The following DOCK3 variants were observed in gnomAD, a reference collection of about 807,000 sequenced individuals.
DOCK3 encodes the protein dedicator of cytokinesis 3, also known as dedicator of cytokinesis protein 3.
DOCK3 carries 60 observed loss-of-function variants against 265.6 expected under a neutral mutation model. That is an observed-to-expected ratio of 0.23 (90% CI 0.18 to 0.28). The LOEUF is 0.28. Among genes scored for constraint, DOCK3 ranks in the 10% least tolerant of loss-of-function variants. The pLI is 1.00. For missense variants in DOCK3, 1,981 were observed against 2,594.3 expected, an observed-to-expected ratio of 0.76 and a Z score of 5.14; for synonymous variants, 881 against 938.0, an observed-to-expected ratio of 0.94 and a Z score of 1.11.
intron 12 of DOCK3, among the ~76,000 whole-genome samples, chr3:51,166,830 G>C (rs552923152): frequency 1.9e-4 from 29 of 152,232 alleles, no homozygotes; most frequent in African/African-American, 6.0e-4. Context: ...ATGCAATTCA[G>C]TTATATGAGT....
intron 6 of DOCK3, among the ~76,000 whole-genome samples, chr3:51,066,625 G>A (rs1456576043): frequency 1.3e-5 from 2 of 152,166 alleles, no homozygotes; most frequent in East Asian, 3.8e-4. Flanking sequence ...ATGCACGAAA[G>A]TTCCCTCTCA....
intron 6 of DOCK3, among the ~76,000 whole-genome samples, chr3:51,068,970 T>C (rs1387845650): frequency 6.6e-6 from 1 of 152,220 alleles, no homozygotes; most frequent in Non-Finnish European, 1.5e-5. Flanking sequence ...CAATTTTTTA[T>C]TTTGTTTCCT....
chr3:51,325,510 C>T (rs765226721), intron 32 of DOCK3, among the ~76,000 whole-genome samples: 2 of 152,154 alleles, frequency 1.3e-5, no homozygotes, highest in African/African-American at 4.8e-5. Flanking sequence ...CTGGCAATTC[C>T]TCAAGGATCT....
rs372427333 is a variant in DOCK3 at position 51,338,383 on chromosome 3, A to G, written c.3636A>G (p.Thr1212=). 75 of 1,551,820 alleles carry G rather than the reference A, an allele frequency of 4.8e-5. No homozygotes were observed. The African/African-American group carries it at 1.0e-3, about 21-fold the overall frequency. ...DYRDCMKGEE[T]ENKKIGCTVN... is the part of the protein sequence containing the mutation. ...GGGACTGCATGAAAGGAGAGGAAAC[A>G]GAGAATAAGAAGATAGGCTGCACTG... Residue 1212 remains threonine, a synonymous_variant, in exon 36 of 53, where the codon ACA becomes ACG. Transcript: ENST00000266037.
intron 5 of DOCK3, among the ~76,000 whole-genome samples, chr3:51,039,456 A>T (rs576747223): frequency 6.6e-6 from 1 of 152,132 alleles, no homozygotes; most frequent in Non-Finnish European, 1.5e-5. Flanking sequence ...GTACATGCCT[A>T]TTTAATTTTA....
At chr3:51,114,704 G>GC (rs2083659554) in intron 9 of DOCK3, among the ~76,000 whole-genome samples, 1 of 152,104 alleles carries the variant, frequency 6.6e-6, no homozygotes, top group South Asian at 2.1e-4. Context: ...TGCAGAACAT[G>GC]CAGGTTTGTT....
At chr3:50,920,586 GT>G (rs2050394446) in intron 4 of DOCK3, among the ~76,000 whole-genome samples, 1 of 152,138 alleles carries the variant, frequency 6.6e-6, no homozygotes, top group African/African-American at 2.4e-5. Flanking sequence ...TGTGGGATTG[GT>G]GGTGTTATCC....
chr3:50,708,787 C>T (rs2036575945), intron 1 of DOCK3, among the ~76,000 whole-genome samples: 2 of 152,216 alleles, frequency 1.3e-5, no homozygotes, highest in African/African-American at 4.8e-5. Flanking sequence ...TGAGCCAAAC[C>T]TGGCTGGCTG....
chr3:51,234,030 A>G (rs1313973522), intron 19 of DOCK3, among the ~76,000 whole-genome samples: 1 of 152,226 alleles, frequency 6.6e-6, no homozygotes, highest in Non-Finnish European at 1.5e-5. Flanking sequence ...GCTGGCTTAT[A>G]TGGTAATACT....
chr3:51,206,189 G>A (rs1322035510), intron 12 of DOCK3, among the ~76,000 whole-genome samples: 1 of 152,184 alleles, frequency 6.6e-6, no homozygotes, highest in Non-Finnish European at 1.5e-5. Flanking sequence ...TTAGTGTAAT[G>A]TAATTCTGAT....
intron 1 of DOCK3, among the ~76,000 whole-genome samples, chr3:50,690,624 C>T (rs971101772): frequency 3.3e-5 from 5 of 151,940 alleles, no homozygotes; most frequent in African/African-American, 7.3e-5. Context: ...TTCGTTCGTT[C>T]GTTCATTCAT....
intron 9 of DOCK3, among the ~76,000 whole-genome samples, chr3:51,103,943 C>T (rs989553838): frequency 2.0e-5 from 3 of 152,098 alleles, no homozygotes; most frequent in Non-Finnish European, 4.4e-5. Flanking sequence ...AGACAAAAAA[C>T]AGGATGAGTA....
chr3:51,353,839 A>G (rs1229292355), intron 40 of DOCK3, among the ~76,000 whole-genome samples: 5 of 151,704 alleles, frequency 3.3e-5, no homozygotes, highest in African/African-American at 1.2e-4. Context: ...GCAGTGCCTG[A>G]TACCATTTTG....
In DOCK3 at chr3:51,225,665, C is replaced by A; in HGVS notation, c.1269C>A (p.Asp423Glu). The change falls in exon 15 of 53, where the codon GAC becomes GAA. Residue 423 changes from aspartate (D) to glutamate (E), a missense_variant. Asp to Glu is a conservative substitution (Grantham distance 45). Around this residue, in one of 4 missense-constraint regions of DOCK3, gnomAD observed 456 missense variants for 539.0 expected, o/e 0.85. Transcript: ENST00000266037. Reference sequence around the variant, plus strand: ...TCCCCGCAGGTGATATCCGCAATGACCTGTACCTAACCCTGGAGAAGGGGG... The same window carrying A: ...TCCCCGCAGGTGATATCCGCAATGAACTGTACCTAACCCTGGAGAAGGGGG... The part of the protein sequence containing the change: ...DVIMPGDIRN[D>E]LYLTLEKGDF... 6.2e-7 allele frequency: 1 copy of A among 1,612,938 alleles called. No homozygotes were observed. Among genetic ancestry groups the A allele is most frequent in the Non-Finnish European group, 8.5e-7 (1 of 1,179,350 alleles).
At chr3:50,871,872 G>A (rs147994805) in intron 3 of DOCK3, among the ~76,000 whole-genome samples, 2 of 152,142 alleles carry the variant, frequency 1.3e-5, no homozygotes, top group South Asian at 2.1e-4. Flanking sequence ...CAGAATTTTG[G>A]CTTGATTATT....
At chr3:51,282,014 T>C (rs1044418150) in intron 27 of DOCK3, among the ~76,000 whole-genome samples, 1 of 152,332 alleles carries the variant, frequency 6.6e-6, no homozygotes, top group South Asian at 2.1e-4. Flanking sequence ...ACAAAGGAGA[T>C]AGGGTTATTT....
At chr3:51,331,556 T>TAA (rs201481347) in intron 33 of DOCK3, among the ~76,000 whole-genome samples, 399 of 131,356 alleles carry the variant, frequency 3.0e-3, no homozygotes, top group African/African-American at 0.011. Flanking sequence ...GTAGGTATGC[T>TAA]AAAAAAAAAA....
chr3:51,021,869 G>C (rs1382153084), intron 5 of DOCK3, among the ~76,000 whole-genome samples: 1 of 151,858 alleles, frequency 6.6e-6, no homozygotes, highest in Non-Finnish European at 1.5e-5. Context: ...CACTGTGTTG[G>C]CCAGGCTGGT....
chr3:51,353,779 T>C (rs1266121857), intron 40 of DOCK3, among the ~76,000 whole-genome samples: 1 of 152,132 alleles, frequency 6.6e-6, no homozygotes, highest in South Asian at 2.1e-4. Context: ...GCTGGCCCTG[T>C]GACGCCTCTC....
Sources: gnomAD v4.1 joint callset for allele counts (sites outside exome capture counted in the v4.1 genomes callset) on GRCh38, gnomAD v4.1.1 for gene constraint, gnomAD v4.1.1 regional missense constraint, MANE v1.5 for transcripts, NCBI Gene and HGNC (gene_info 2026-07-23, HGNC 2026-07-21) for gene names.